PLCE1: variants seen among roughly 807,000 people sequenced by gnomAD.
PLCE1 encodes 1-phosphatidylinositol 4,5-bisphosphate phosphodiesterase epsilon-1.
Under a neutral mutation model 242.8 loss-of-function variants are expected in PLCE1, and 119 were observed. That is an observed-to-expected ratio of 0.49 (90% confidence interval 0.42 to 0.57). The LOEUF is 0.57. Ranked by LOEUF, PLCE1 falls within the 20% of genes least tolerant of loss-of-function variation. PLCE1 has a pLI of 0.00. For synonymous variants in PLCE1, 945 were observed against 1,017.4 expected (o/e 0.93, Z 1.35); for missense variants, 2,441 against 2,788.8 (o/e 0.88, Z 2.81).
At position 94,321,963 on chromosome 10, in the gene PLCE1, G is replaced by C; in HGVS notation, c.6405G>C (p.Glu2135Asp). ...DKEVILSSEE[E>D]SFFVQVHDVS... ...AGGTGATCTTGAGCTCAGAGGAGGA[G>C]AGTTTCTTTGTCCAAGTGCATGATG... is the stretch of plus-strand genomic sequence containing the variant. The change falls in exon 30 of 33, where the codon GAG becomes GAC. Residue 2135 changes from glutamate (E) to aspartate (D), a missense_variant. By Grantham distance (45) the Glu-to-Asp change is conservative (BLOSUM62 2). Transcript: ENST00000371380. 6.2e-7 allele frequency: 1 copy of C among 1,613,864 alleles called. No homozygotes were observed. The highest frequency in any genetic ancestry group is 8.5e-7 in the Non-Finnish European group (1 of 1,179,778).
intron 2 of PLCE1, among the ~76,000 whole-genome samples, chr10:94,053,121 A>C (rs182482066): frequency 6.6e-6 from 1 of 152,320 alleles, no homozygotes; most frequent in African/African-American, 2.4e-5. Context: ...CCTAGTGAGC[A>C]GTTAAGAGCT....
At chr10:94,138,130 C>T (rs566972829) in intron 3 of PLCE1, 28 of 381,108 alleles carry the variant, frequency 7.3e-5, no homozygotes, top group South Asian at 6.0e-4. Flanking sequence ...CAGACATCAC[C>T]ATGAACCAGA....
chr10:94,180,346 G>C (rs12265161), intron 4 of PLCE1, among the ~76,000 whole-genome samples: 12,810 of 152,166 alleles, frequency 0.084, 991 homozygotes, highest in African/African-American at 0.21. Flanking sequence ...CTAGGAGATT[G>C]TGGCCCTTGA....
At chr10:94,097,607 A>G (rs1354767664) in intron 2 of PLCE1, among the ~76,000 whole-genome samples, 2 of 152,226 alleles carry the variant, frequency 1.3e-5, no homozygotes, top group African/African-American at 2.4e-5. Flanking sequence ...GCGGAGCTTA[A>G]CCATGAGAAC....
chr10:94,131,086 G>A (rs1205231839), intron 2 of PLCE1, among the ~76,000 whole-genome samples: 1 of 152,194 alleles, frequency 6.6e-6, no homozygotes, highest in Non-Finnish European at 1.5e-5. Context: ...TTGTTGGTTT[G>A]ATGAATGAAT....
At chr10:94,149,056 T>C (rs1294769436) in intron 3 of PLCE1, among the ~76,000 whole-genome samples, 1 of 152,210 alleles carries the variant, frequency 6.6e-6, no homozygotes, top group East Asian at 1.9e-4. Flanking sequence ...GGGACTAGTC[T>C]TGAAGATTTA....
chr10:94,122,662 C>T (rs1436468944), intron 2 of PLCE1, among the ~76,000 whole-genome samples: 4 of 152,072 alleles, frequency 2.6e-5, no homozygotes, highest in Non-Finnish European at 5.9e-5. Context: ...TCAGTAGCTT[C>T]CATTCTAGAA....
chr10:94,155,720 A>G (rs1248842088), intron 3 of PLCE1: 2 of 151,932 alleles, frequency 1.3e-5, no homozygotes, highest in African/African-American at 2.4e-5. Flanking sequence ...TTCCAATTTT[A>G]GTATATATGC....
Position 94,236,043 on chromosome 10 carries a change from G to C in PLCE1, c.2343G>C (p.Leu781=). ...TCATCCGGAGCTGCAATCGAAGTCTGGAGACAGACGAGGAGGACAGCCCCA... is the reference window on the plus strand; with the variant it reads ...TCATCCGGAGCTGCAATCGAAGTCTCGAGACAGACGAGGAGGACAGCCCCA... The part of the protein sequence containing the change: ...FQVIRSCNRS[L]ETDEEDSPSE... Residue 781 remains leucine (L), a synonymous_variant, in exon 7 of 33, where the codon CTG becomes CTC. Coordinates refer to ENST00000371380, the MANE Select transcript of PLCE1 (RefSeq NM_016341.4). 6.2e-7 allele frequency: 1 copy of C among 1,614,082 alleles called. No individual in the cohort carries two copies. Among genetic ancestry groups the C allele is most frequent in the Non-Finnish European group, 8.5e-7 (1 of 1,179,986 alleles).
In PLCE1 at chr10:94,304,628, G is replaced by A. The variant is rs184591536; in HGVS notation, c.5605G>A (p.Ala1869Thr). 1.2e-6 allele frequency: 2 copies of A among 1,614,002 alleles called. No homozygotes were observed. Among genetic ancestry groups the A allele is most frequent in the Non-Finnish European group, 8.5e-7 (1 of 1,179,948 alleles). The change falls in exon 25 of 33, where the codon GCA (alanine) becomes ACA (threonine). Residue 1869 changes from alanine to threonine, a missense_variant. Physicochemically the swap from Ala to Thr is moderately conservative, Grantham distance 58. Transcript: ENST00000371380. ...AAGAGATCTGGACAGCATGGATCCT[G>A]CAGTCTATTCTTTAACTGTAAGTAC... Reference protein sequence around the residue: ...LERDLDSMDPAVYSLTIVSGQ... With the variant: ...LERDLDSMDPTVYSLTIVSGQ...
chr10:94,250,821 C>T (rs1171920821), intron 8 of PLCE1, among the ~76,000 whole-genome samples: 1 of 152,154 alleles, frequency 6.6e-6, no homozygotes, highest in African/African-American at 2.4e-5. Context: ...AAAAGTTTTA[C>T]TCTTCTTTCA....
At chr10:94,319,781 T>C (rs2053713615) in intron 29 of PLCE1, among the ~76,000 whole-genome samples, 1 of 152,040 alleles carries the variant, frequency 6.6e-6, no homozygotes, top group Admixed American at 6.6e-5. Flanking sequence ...AGGGCTATTG[T>C]TATTTTGTTC....
At chr10:94,158,188 C>T (rs2047492671) in intron 3 of PLCE1, among the ~76,000 whole-genome samples, 1 of 152,130 alleles carries the variant, frequency 6.6e-6, no homozygotes, top group African/African-American at 2.4e-5. Flanking sequence ...CTTTGGAGCT[C>T]AGATTGCCTG....
At chr10:94,195,332 T>C (rs1035419316) in intron 4 of PLCE1, among the ~76,000 whole-genome samples, 3 of 152,110 alleles carry the variant, frequency 2.0e-5, no homozygotes, top group East Asian at 1.9e-4. Context: ...GGATTTCTAA[T>C]AGGGCTCTTC....
In PLCE1 at chr10:94,332,391, A is replaced by G. The variant is rs2054170052; in HGVS notation, c.*4448A>G. The stretch of plus-strand genomic sequence containing the variant: ...GGTTGTCTTACACCCATTATTTCCC[A>G]CCCCACTCTTAAGTGCCAGCATAGT... On this transcript the variant is annotated 3_prime_UTR_variant, in exon 33 of 33. Coordinates refer to ENST00000371380, the MANE Select transcript of PLCE1 (RefSeq NM_016341.4). 6.6e-6 allele frequency: 1 copy of G among 151,922 alleles called. No homozygotes were observed. The highest frequency in any genetic ancestry group is 1.5e-5 in the Non-Finnish European group (1 of 67,998). 9.4% of individuals were successfully genotyped at this position (151,922 alleles called of 1,614,324 possible). A position where few individuals can be genotyped will look rare whatever the true frequency, so the allele number is the denominator to read the frequency against.
chr10:94,293,751 A>C, intron 23 of PLCE1, 112 bp downstream of exon 23: 1 of 1,227,912 alleles, frequency 8.1e-7, no homozygotes, highest in Non-Finnish European at 1.2e-6. Context: ...CCTGAACATT[A>C]ATATTGTCTG....
At chr10:94,138,529 G>T in intron 3 of PLCE1, 1 of 476,054 alleles carries the variant, frequency 2.1e-6, no homozygotes, top group South Asian at 1.7e-5. Flanking sequence ...CTAGTGCTGT[G>T]GTCATACAGT....
Position 94,091,585 on chromosome 10 carries a change from G to GA in PLCE1, c.1207-40582dup, listed in dbSNP as rs1044388926. On this transcript the variant is annotated intron_variant, in intron 2 of 32. Transcript: ENST00000371380. The stretch of plus-strand genomic sequence containing the variant: ...TGACAGCAGGAGACAGGGGTATAAA[G>GA]AAAAAAAGACTGTTGAGTTTCTTAG... Among the ~76,000 whole-genome samples, 4 of 152,008 alleles carry GA rather than the reference G, an allele frequency of 2.6e-5. No homozygotes were observed. The East Asian group carries it at 7.7e-4, about 29-fold the overall frequency.
chr10:94,091,093 T>A (rs2045051425), intron 2 of PLCE1, among the ~76,000 whole-genome samples: 1 of 152,196 alleles, frequency 6.6e-6, no homozygotes, highest in African/African-American at 2.4e-5. Flanking sequence ...TCATTCTGTC[T>A]TTTTTCTCCT....
Sources: allele counts gnomAD v4.1 joint callset (sites outside exome capture counted in the v4.1 genomes callset), GRCh38; gene constraint gnomAD v4.1.1; transcripts MANE v1.5; gene names NCBI Gene and HGNC (gene_info 2026-07-23, HGNC 2026-07-21).